YBEY: variants seen among roughly 807,000 people sequenced by gnomAD.
The protein encoded by YBEY is ybeY metalloendoribonuclease.
A neutral mutation model predicts 13.5 loss-of-function variants in YBEY; 15 were observed. The observed-to-expected ratio is 1.11, with a 90% CI of 0.75 to 1.72. YBEY has a LOEUF of 1.72. YBEY is among the 40% of genes most tolerant of loss of function. The probability of loss-of-function intolerance (pLI) is 0.00; values close to 1 mark genes in which losing one functional copy is unlikely to be tolerated. For synonymous variants in YBEY, 101 were observed against 83.1 expected (o/e 1.21, Z -1.17); for missense variants, 244 against 208.4 (o/e 1.17, Z -1.05).
chr21:46,311,946 CCCACCCAT>C, the YBEY span, among the ~76,000 whole-genome samples: 2 of 140,668 alleles, frequency 1.4e-5, no homozygotes, highest in Non-Finnish European at 3.1e-5. Flanking sequence ...CAACCATCCA[CCCACCCAT>C]CCATCCACCC....
At chr21:46,300,330 C>CCT (rs1439483652), downstream of YBEY, 3 of 156,986 alleles carry the variant, frequency 1.9e-5, no homozygotes, top group African/African-American at 7.2e-5. Context: ...ACACGGGAGG[C>CCT]TGAGGCAGGA....
intron 3 of YBEY, 52 bp downstream of exon 3, chr21:46,291,514 G>T (rs1367175371): frequency 6.9e-6 from 11 of 1,605,608 alleles, no homozygotes; most frequent in Non-Finnish European, 9.4e-6. Flanking sequence ...CATGGGCCTT[G>T]CAAAGGGGTC....
the YBEY span, among the ~76,000 whole-genome samples, chr21:46,311,918 CCCAT>C: frequency 1.9e-4 from 27 of 145,676 alleles, no homozygotes; most frequent in Non-Finnish European, 3.5e-4. Context: ...CATCCACCCA[CCCAT>C]CCATCCAACC....
At chr21:46,294,933 C>G (rs966852905) in intron 3 of YBEY, among the ~76,000 whole-genome samples, 5 of 152,290 alleles carry the variant, frequency 3.3e-5, no homozygotes, top group Non-Finnish European at 7.4e-5. Flanking sequence ...AAGGATGGGA[C>G]GGCCACACAG....
the YBEY span, among the ~76,000 whole-genome samples, chr21:46,310,601 G>A: frequency 6.6e-6 from 1 of 151,932 alleles, no homozygotes; most frequent in Non-Finnish European, 1.5e-5. Context: ...CTGAGGTTGG[G>A]AGTTCAAGAC....
the YBEY span, among the ~76,000 whole-genome samples, chr21:46,308,832 G>T: frequency 0.22 from 33,081 of 151,782 alleles, 4,090 homozygotes; most frequent in Middle Eastern, 0.31. Context: ...ATCATGGGAG[G>T]AGAAATGGTG....
At chr21:46,304,175 C>T in the YBEY span, among the ~76,000 whole-genome samples, 6 of 150,524 alleles carry the variant, frequency 4.0e-5, no homozygotes, top group Non-Finnish European at 7.4e-5. Flanking sequence ...TACAAGCACC[C>T]GCCACCACGC....
downstream of YBEY, chr21:46,301,605 C>G: frequency 2.0e-6 from 2 of 1,015,436 alleles, no homozygotes; most frequent in Non-Finnish European, 2.4e-6. Context: ...TTCTTAAACT[C>G]TTTCTGGATG....
chr21:46,302,092 G>GTGGTGT (rs112899928), downstream of YBEY: 1 of 1,533,364 alleles, frequency 6.5e-7, no homozygotes, highest in South Asian at 1.2e-5. Context: ...GGTGGTGGTG[G>GTGGTGT]TGCACGGCAG....
At chr21:46,297,085 G>C (rs1415126515) in intron 4 of YBEY, among the ~76,000 whole-genome samples, 1 of 152,098 alleles carries the variant, frequency 6.6e-6, no homozygotes, top group Non-Finnish European at 1.5e-5. Context: ...GATCACTTGA[G>C]GTCAGGAGTT....
chr21:46,312,875 C>T, the YBEY span: 1 of 452,964 alleles, frequency 2.2e-6, no homozygotes, highest in Non-Finnish European at 2.9e-6. Flanking sequence ...TAATTACTGT[C>T]CTCCATCATA....
chr21:46,294,461 ACTC>A (rs2081871875), intron 3 of YBEY, among the ~76,000 whole-genome samples: 1 of 69,106 alleles, frequency 1.4e-5, no homozygotes, highest in African/African-American at 5.8e-5. Flanking sequence ...CGTGCCCGGG[ACTC>A]AGTGGGGACA....
At chr21:46,302,495 G>T, downstream of YBEY, 1 of 1,609,036 alleles carries the variant, frequency 6.2e-7, no homozygotes, top group Non-Finnish European at 8.5e-7. Flanking sequence ...CTGCAGGGCT[G>T]GGGGCAGGGC....
chr21:46,303,736 TATA>T, the YBEY span, among the ~76,000 whole-genome samples: 12 of 25,338 alleles, frequency 4.7e-4, no homozygotes, highest in Non-Finnish European at 4.9e-4. Context: ...TATATATATA[TATA>T]TATATATTTT....
chr21:46,286,624 CAA>C, intron 1 of YBEY: 2 of 253,108 alleles, frequency 7.9e-6, no homozygotes, highest in Non-Finnish European at 1.5e-5. Flanking sequence ...CGCGCACCCC[CAA>C]CCCGCCCCCT....
chr21:46,308,542 C>T, the YBEY span, among the ~76,000 whole-genome samples: 4 of 152,202 alleles, frequency 2.6e-5, no homozygotes, highest in African/African-American at 9.6e-5. Context: ...CATACATCCA[C>T]AGAAAGACTG....
chr21:46,289,313 C>A (rs1434885352), intron 2 of YBEY, among the ~76,000 whole-genome samples: 1 of 152,112 alleles, frequency 6.6e-6, no homozygotes, highest in Admixed American at 6.6e-5. Flanking sequence ...TGATAGCAAC[C>A]TAAACAAACA....
Position 46,291,456 on chromosome 21 carries a change from C to T in YBEY, c.333C>T (p.Val111=). ...QCKENEDYND[V]LTVTATHGLC... ...AAGAAAATGAAGATTACAATGACGTCCTGACTGTAAGCGGGGATGCTGAAA... is the reference window on the plus strand; with the variant it reads ...AAGAAAATGAAGATTACAATGACGTTCTGACTGTAAGCGGGGATGCTGAAA... The change falls in exon 3 of 5, where the codon GTC becomes GTT. Residue 111 remains valine, a synonymous_variant. Coordinates refer to ENST00000397701, the MANE Select transcript of YBEY (RefSeq NM_001314025.2). The T allele has an allele frequency of 1.2e-6, 2 of 1,613,810 alleles. No homozygotes were observed.
chr21:46,288,006 C>G (rs1457310284), intron 2 of YBEY, among the ~76,000 whole-genome samples: 2 of 140,632 alleles, frequency 1.4e-5, no homozygotes, highest in African/African-American at 5.1e-5. Flanking sequence ...GAGCGAAACT[C>G]TGTCTCAGGA....
Sources: allele counts gnomAD v4.1 joint callset (sites outside exome capture counted in the v4.1 genomes callset), GRCh38; gene constraint gnomAD v4.1.1; transcripts MANE v1.5; gene names NCBI Gene and HGNC (gene_info 2026-07-23, HGNC 2026-07-21).